Variants in RFFL observed in about 807,000 individuals in gnomAD.
RFFL encodes ring finger and FYVE like domain containing E3 ubiquitin protein ligase.
A neutral mutation model predicts 40.4 loss-of-function variants in RFFL; 16 were observed. That is an observed-to-expected ratio of 0.40 (90% CI 0.27 to 0.60). RFFL has a LOEUF of 0.60. RFFL is among the 20% of genes least tolerant of loss of function. The pLI is 0.47. For synonymous variants in RFFL, 154 were observed against 167.9 expected, an observed-to-expected ratio of 0.92 and a Z score of 0.64; for missense variants, 367 against 451.7, an observed-to-expected ratio of 0.81 and a Z score of 1.70.
intron 1 of RFFL, among the ~76,000 whole-genome samples, chr17:35,041,940 G>A (rs574242708): frequency 7.2e-5 from 11 of 152,124 alleles, no homozygotes; most frequent in South Asian, 2.1e-4. Context: ...GCTTGAACCC[G>A]GGAGGCAGAG....
At chr17:35,079,186 C>A (rs2091392043) in intron 1 of RFFL, among the ~76,000 whole-genome samples, 1 of 152,002 alleles carries the variant, frequency 6.6e-6, no homozygotes, top group South Asian at 2.1e-4. Context: ...CCATGCCTGG[C>A]AAATTTTTGT....
In RFFL at chr17:35,011,907, C is replaced by G; in HGVS notation, c.*61G>C. ...CTTGCTCCTCTGCAAGCTGGCCAAC[C>G]CTGAGCCCAGACACCCCAGGCTATT... On this transcript the variant is annotated 3_prime_UTR_variant, in exon 7 of 7. Coordinates refer to ENST00000394597, the MANE Select transcript of RFFL (RefSeq NM_001017368.2). The G allele has an allele frequency of 1.3e-6, 2 of 1,552,220 alleles. No individual in the cohort carries two copies. Among genetic ancestry groups the G allele is most frequent in the Non-Finnish European group, 1.8e-6 (2 of 1,135,004 alleles).
At chr17:35,053,731 T>C (rs1359699219) in intron 1 of RFFL, among the ~76,000 whole-genome samples, 2 of 152,224 alleles carry the variant, frequency 1.3e-5, no homozygotes, top group African/African-American at 4.8e-5. Flanking sequence ...TAATCTTTTT[T>C]GTAACTATAT....
At chr17:35,073,523 C>G (rs988891534) in intron 1 of RFFL, among the ~76,000 whole-genome samples, 1 of 152,158 alleles carries the variant, frequency 6.6e-6, no homozygotes, top group Non-Finnish European at 1.5e-5. Flanking sequence ...AATGTTTCTT[C>G]TATGATTCTC....
chr17:35,040,258 G>A (rs1372333700), intron 1 of RFFL, among the ~76,000 whole-genome samples: 10 of 152,052 alleles, frequency 6.6e-5, no homozygotes, highest in Admixed American at 6.6e-4. Context: ...TGTTGTGAGT[G>A]TCCAGGCTGT....
upstream of RFFL, among the ~76,000 whole-genome samples, chr17:35,065,954 C>A (rs1310150449): frequency 6.6e-6 from 1 of 152,046 alleles, no homozygotes. Context: ...TGACTAAGTT[C>A]TTTCAATACA....
Position 35,017,604 on chromosome 17 carries a change from G to A in RFFL, c.594C>T (p.Ala198=). 1.2e-6 allele frequency: 2 copies of A among 1,607,008 alleles called. No individual in the cohort carries two copies. Among genetic ancestry groups the A allele is most frequent in the Non-Finnish European group, 1.7e-6 (2 of 1,175,712 alleles). ...PPAQVQENQQ[A]NGHVSQDQEE... ...CTTGATCCTGAGACACATGGCCATTGGCCTGTGGGAAGAGAAAAGTAACAT... is the reference window on the plus strand; with the variant it reads ...CTTGATCCTGAGACACATGGCCATTAGCCTGTGGGAAGAGAAAAGTAACAT... The change falls in exon 4 of 7, where the codon GCC becomes GCT. Residue 198 remains alanine (A), a splice_region_variant and synonymous_variant. Transcript: ENST00000394597.
chr17:35,027,496 G>A (rs1035102514), intron 1 of RFFL, among the ~76,000 whole-genome samples: 9 of 152,012 alleles, frequency 5.9e-5, no homozygotes, highest in Admixed American at 3.3e-4. Context: ...AGACTGAGGC[G>A]AGTGGATCAC....
chr17:35,050,739 G>A (rs1406652553), intron 1 of RFFL, among the ~76,000 whole-genome samples: 2 of 152,002 alleles, frequency 1.3e-5, no homozygotes, highest in East Asian at 1.9e-4. Flanking sequence ...TTGGAAGGCC[G>A]AGGCGGGCAG....
intron 1 of RFFL, among the ~76,000 whole-genome samples, chr17:35,058,635 G>A (rs978031723): frequency 1.3e-5 from 2 of 152,090 alleles, no homozygotes; most frequent in African/African-American, 4.8e-5. Flanking sequence ...GCCAGGCGTG[G>A]TGGCAAGCAA....
chr17:35,060,365 C>T (rs539289225), intron 1 of RFFL, among the ~76,000 whole-genome samples: 2 of 152,188 alleles, frequency 1.3e-5, no homozygotes, highest in African/African-American at 4.8e-5. Context: ...AGCAAAGGCA[C>T]CATTTCTGTG....
rs2090908141 is a variant in RFFL, at chr17:35,008,018, G to A, written c.*3950C>T. ...AGCCTCCCAAAGTGCTGGGATTACAGGCGTGAGCCATGGCGCCCAGCCTGG... is the reference window on the plus strand; with the variant it reads ...AGCCTCCCAAAGTGCTGGGATTACAAGCGTGAGCCATGGCGCCCAGCCTGG... On this transcript the variant is annotated 3_prime_UTR_variant, in exon 7 of 7. Transcript: ENST00000394597. 6.6e-6 allele frequency: 1 copy of A among 152,290 alleles called. No individual in the cohort carries two copies. The highest frequency in any genetic ancestry group is 1.5e-5 in the Non-Finnish European group (1 of 68,118). The allele number at this position is 152,290 out of a possible 1,614,324, so 9.4% of individuals were successfully genotyped here.
intron 1 of RFFL, among the ~76,000 whole-genome samples, chr17:35,040,447 T>C (rs1303465184): frequency 6.6e-6 from 1 of 151,456 alleles, no homozygotes; most frequent in African/African-American, 2.4e-5. Context: ...ACTAAAAATA[T>C]AAAAAATTAG....
At chr17:35,037,515 A>G (rs2142340605) in intron 1 of RFFL, among the ~76,000 whole-genome samples, 1 of 152,356 alleles carries the variant, frequency 6.6e-6, no homozygotes, top group African/African-American at 2.4e-5. Flanking sequence ...TAAAGAAGAA[A>G]GTAGCCACTC....
At chr17:35,079,093 C>T (rs1297485497) in intron 1 of RFFL, among the ~76,000 whole-genome samples, 1 of 152,204 alleles carries the variant, frequency 6.6e-6, no homozygotes, top group Non-Finnish European at 1.5e-5. Context: ...ATTCAGAACT[C>T]GAATATGGTA....
rs1400835161 is a variant in RFFL at position 35,008,262 on chromosome 17, C to T, written c.*3706G>A. 1 of 152,272 alleles carries T rather than the reference C, an allele frequency of 6.6e-6. No homozygotes were observed. The highest frequency in any genetic ancestry group is 2.4e-5 in the African/African-American group (1 of 41,450). 9.4% of individuals were successfully genotyped at this position (152,272 alleles called of 1,614,324 possible). On this transcript the variant is annotated 3_prime_UTR_variant, in exon 7 of 7. Coordinates refer to ENST00000394597, the MANE Select transcript of RFFL (RefSeq NM_001017368.2). ...ATTCATCCTTTACCTACCCAGCTCT[C>T]ATTCTCTTCTAGGTTGTTCCATGGC...
intron 1 of RFFL, among the ~76,000 whole-genome samples, chr17:35,049,088 A>T (rs2091216895): frequency 6.6e-6 from 1 of 152,152 alleles, no homozygotes; most frequent in Non-Finnish European, 1.5e-5. Context: ...ATATCCCACA[A>T]CAAAATGCAA....
In RFFL at chr17:35,063,403, C is replaced by T. The variant is rs138502895; in HGVS notation, c.-9+173G>A. ...CCGGGAGGTGAAGGTTGCAGTGAGC[C>T]GAGATCACACCATTGCACTCCAGCT... On this transcript the variant is annotated intron_variant, in intron 1 of 6. Transcript: ENST00000394597. Among the ~76,000 whole-genome samples, 699 of 128,118 alleles carry T rather than the reference C, an allele frequency of 5.5e-3. 9 individuals are homozygous for T. Among genetic ancestry groups the T allele is most frequent in the African/African-American group, 0.02 (662 of 33,552 alleles). The allele number at this position is 128,118 out of a possible 152,430, so 84.1% of individuals were successfully genotyped here. A position where few individuals can be genotyped will look rare whatever the true frequency, so the allele number is the denominator to read the frequency against.
intron 1 of RFFL, among the ~76,000 whole-genome samples, chr17:35,046,485 G>A (rs2091201064): frequency 1.3e-5 from 2 of 152,280 alleles, no homozygotes; most frequent in Non-Finnish European, 2.9e-5. Flanking sequence ...CAAGCAAGGT[G>A]GAAGGAGAAA....
Sources: allele counts gnomAD v4.1 joint callset (sites outside exome capture counted in the v4.1 genomes callset), GRCh38; gene constraint gnomAD v4.1.1; transcripts MANE v1.5; gene names NCBI Gene and HGNC (gene_info 2026-07-23, HGNC 2026-07-21).